Variants in SRGAP1 observed in about 807,000 individuals in gnomAD.
SRGAP1 encodes the protein SLIT-ROBO Rho GTPase-activating protein 1.
In SRGAP1, 43 loss-of-function variants were observed where a neutral mutation model predicts 121.9. That is an observed-to-expected ratio of 0.35 (90% CI 0.28 to 0.46). The LOEUF (loss-of-function observed/expected upper bound fraction) is 0.46. Among genes scored for constraint, SRGAP1 ranks in the 20% least tolerant of loss-of-function variants. SRGAP1 has a pLI of 1.00. For missense variants in SRGAP1, 1,102 were observed against 1,350.9 expected (o/e 0.82, Z 2.89); for synonymous variants, 447 against 485.4 (o/e 0.92, Z 1.04).
intron 1 of SRGAP1, among the ~76,000 whole-genome samples, chr12:63,895,689 G>T (rs1900731244): frequency 6.6e-6 from 1 of 152,206 alleles, no homozygotes. Flanking sequence ...TGGGTAAAAT[G>T]AGGTTACATC....
intron 1 of SRGAP1, among the ~76,000 whole-genome samples, chr12:63,868,856 T>A (rs1439507912): frequency 6.6e-6 from 1 of 152,244 alleles, no homozygotes; most frequent in East Asian, 1.9e-4. Context: ...GTTGAGAAGA[T>A]CTAGTTTTAG....
intron 1 of SRGAP1, among the ~76,000 whole-genome samples, chr12:63,972,188 G>A (rs946435834): frequency 1.3e-5 from 2 of 152,180 alleles, no homozygotes; most frequent in Non-Finnish European, 2.9e-5. Flanking sequence ...ACCTTGTCTC[G>A]ATTTTTCTTA....
intron 4 of SRGAP1, among the ~76,000 whole-genome samples, chr12:64,027,300 C>T (rs1011095129): frequency 3.1e-4 from 47 of 152,222 alleles, no homozygotes; most frequent in African/African-American, 1.1e-3. Flanking sequence ...ACATGCTGTA[C>T]TCCCTTTTTA....
chr12:63,907,655 A>T (rs1460996336), intron 1 of SRGAP1, among the ~76,000 whole-genome samples: 1 of 152,174 alleles, frequency 6.6e-6, no homozygotes, highest in Non-Finnish European at 1.5e-5. Context: ...ATTTGCAAAT[A>T]TGTTCTGTCA....
At chr12:64,109,292 A>G (rs76162956) in intron 16 of SRGAP1, among the ~76,000 whole-genome samples, 1,553 of 152,270 alleles carry the variant, frequency 0.01, 28 homozygotes, top group African/African-American at 0.035. Flanking sequence ...AAAAACCACA[A>G]CTTTTCAGTG....
intron 1 of SRGAP1, among the ~76,000 whole-genome samples, chr12:63,910,296 A>AT (rs1205214251): frequency 6.6e-6 from 1 of 152,194 alleles, no homozygotes; most frequent in Non-Finnish European, 1.5e-5. Flanking sequence ...TTATTGTTAG[A>AT]TTTTATTAGC....
intron 1 of SRGAP1, among the ~76,000 whole-genome samples, chr12:63,948,896 TC>T (rs1297016298): frequency 1.4e-4 from 12 of 83,116 alleles, no homozygotes; most frequent in African/African-American, 4.6e-4. Context: ...ATATATATAT[TC>T]CATATATATA....
chr12:64,147,775 G>A lies in SRGAP1; in HGVS notation c.*5103G>A, dbSNP rs527297989. On this transcript the variant is annotated 3_prime_UTR_variant, in exon 22 of 22. Coordinates refer to ENST00000355086, the MANE Select transcript of SRGAP1 (RefSeq NM_020762.4). ...TTGGCATGTACCATTACAGGCTTCA[G>A]TATACAGTCAGGTTTGTTCTTCACG... 5.0e-6 allele frequency: 2 copies of A among 397,814 alleles called. No individual in the cohort carries two copies. Among genetic ancestry groups the A allele is most frequent in the South Asian group, 2.7e-4 (2 of 7,286 alleles). The allele number at this position is 397,814 out of a possible 1,614,324, so 24.6% of individuals were successfully genotyped here. A position where few individuals can be genotyped will look rare whatever the true frequency, so the allele number is the denominator to read the frequency against.
chr12:64,150,956 A>AAAAAAAAAAAAC lies in SRGAP1; in HGVS notation c.*8288_*8289insAAAAAAACAAAA. 6.8e-6 allele frequency: 1 copy of AAAAAAAAAAAAC among 147,932 alleles called. No homozygotes were observed. The highest frequency in any genetic ancestry group is 1.5e-5 in the Non-Finnish European group (1 of 67,070). 9.2% of individuals were successfully genotyped at this position (147,932 alleles called of 1,614,324 possible). On this transcript the variant is annotated 3_prime_UTR_variant, in exon 22 of 22. Transcript: ENST00000355086. ...TCTCAAAAAAAAAAAAAAAAAAAAA[A>AAAAAAAAAAAAC]AAAACATGGTCAAGATTTGTAATAG...
At chr12:64,130,422 G>T (rs1200368140) in intron 21 of SRGAP1, among the ~76,000 whole-genome samples, 1 of 152,140 alleles carries the variant, frequency 6.6e-6, no homozygotes, top group East Asian at 1.9e-4. Context: ...TTGCTAGGGG[G>T]TCACTAGGGA....
At position 64,152,826 on chromosome 12, in the gene SRGAP1, T is replaced by A. The variant is rs756247212; in HGVS notation, c.*10154T>A. 1 of 149,900 alleles carries A rather than the reference T, an allele frequency of 6.7e-6. No homozygotes were observed. Among genetic ancestry groups the A allele is most frequent in the Non-Finnish European group, 1.5e-5 (1 of 67,784 alleles). The allele number at this position is 149,900 out of a possible 1,614,324, so 9.3% of individuals were successfully genotyped here. On this transcript the variant is annotated 3_prime_UTR_variant, in exon 22 of 22. Transcript: ENST00000355086. ...TTGTTCTGTTACATTTTGTTTTCATTAAATCAGGCTCCCTTCCGGGGATCT... is the reference window on the plus strand; with the variant it reads ...TTGTTCTGTTACATTTTGTTTTCATAAAATCAGGCTCCCTTCCGGGGATCT...
intron 1 of SRGAP1, among the ~76,000 whole-genome samples, chr12:63,961,269 CG>C (rs938268471): frequency 8.5e-5 from 13 of 152,190 alleles, no homozygotes; most frequent in Admixed American, 3.3e-4. Flanking sequence ...AGTTGCAGCA[CG>C]CTCCATTGGA....
intron 8 of SRGAP1, among the ~76,000 whole-genome samples, chr12:64,077,489 TATA>T (rs1273507563): frequency 4.7e-5 from 7 of 148,950 alleles, no homozygotes; most frequent in Admixed American, 3.4e-4. Context: ...TATATTCTAT[TATA>T]ATATATTACA....
intron 1 of SRGAP1, among the ~76,000 whole-genome samples, chr12:63,965,060 C>T (rs2032751597): frequency 6.6e-6 from 1 of 152,088 alleles, no homozygotes. Flanking sequence ...ATTAGGGGAC[C>T]TTTTTGAATC....
chr12:64,067,305 T>G (rs1391187314), intron 8 of SRGAP1, among the ~76,000 whole-genome samples: 1 of 152,144 alleles, frequency 6.6e-6, no homozygotes, highest in Non-Finnish European at 1.5e-5. Context: ...CTAAAGAACT[T>G]GGGAAGCTGA....
intron 1 of SRGAP1, among the ~76,000 whole-genome samples, chr12:63,942,047 A>T (rs1463452566): frequency 6.6e-6 from 1 of 152,132 alleles, no homozygotes; most frequent in Admixed American, 6.5e-5. Flanking sequence ...AACTCCTTTG[A>T]AGGAAGAACC....
intron 1 of SRGAP1, among the ~76,000 whole-genome samples, chr12:63,927,919 A>G (rs1488828347): frequency 1.3e-5 from 2 of 152,188 alleles, no homozygotes; most frequent in African/African-American, 2.4e-5. Context: ...GCCAACGTGC[A>G]TTCAATATGC....
At chr12:64,137,188 C>T in intron 21 of SRGAP1, among the ~76,000 whole-genome samples, 1 of 151,648 alleles carries the variant, frequency 6.6e-6, no homozygotes. Flanking sequence ...CACTTGAACC[C>T]AGGAGGCGGA....
At chr12:63,949,122 A>G (rs573822632) in intron 1 of SRGAP1, among the ~76,000 whole-genome samples, 1 of 140,200 alleles carries the variant, frequency 7.1e-6, no homozygotes, top group African/African-American at 2.7e-5. Flanking sequence ...ACATTCATAT[A>G]TGTATTTTCC....
Sources: allele counts gnomAD v4.1 joint callset (sites outside exome capture counted in the v4.1 genomes callset), GRCh38; gene constraint gnomAD v4.1.1; transcripts MANE v1.5; gene names NCBI Gene and HGNC (gene_info 2026-07-23, HGNC 2026-07-21).